Variants in GNPDA1 observed in about 807,000 individuals in gnomAD.
GNPDA1 encodes the protein GNPDA 1.
A neutral mutation model predicts 28.5 loss-of-function variants in GNPDA1; 24 were observed. The observed-to-expected ratio is 0.84, with a 90% confidence interval of 0.61 to 1.19. The LOEUF (loss-of-function observed/expected upper bound fraction) is 1.19, where lower values mean the gene tolerates loss of function less well. Ranked by LOEUF, GNPDA1 falls within the 50% of genes most tolerant of loss-of-function variation. GNPDA1 has a pLI of 0.00. For missense variants in GNPDA1, 264 were observed against 367.3 expected (o/e 0.72, Z 2.30); for synonymous variants, 147 against 139.3 (o/e 1.06, Z -0.39).
At chr5:142,007,951 G>T in intron 2 of GNPDA1, 51 bp from the exon 3 acceptor site, 1 of 1,029,278 alleles carries the variant, frequency 9.7e-7, no homozygotes, top group Non-Finnish European at 1.5e-6. Flanking sequence ...AAGTCTGGAA[G>T]CCCAGAGGGT....
chr5:142,006,194 G>T lies in GNPDA1; in HGVS notation c.359C>A (p.Ala120Asp), dbSNP rs773603626. ...NAVDLQAECD[A>D]FEEKIKAAGG... is the part of the protein sequence containing the mutation. ...TGCAGCCTTGATCTTCTCTTCAAAG[G>T]CATCACATTCTGCCTGTAGGTCGAC... is the stretch of plus-strand genomic sequence containing the variant. The change falls in exon 4 of 7, where the codon GCC (alanine) becomes GAC (aspartate). Residue 120 changes from alanine to aspartate, a missense_variant. Transcript: ENST00000311337. 1.1e-5 allele frequency: 18 copies of T among 1,614,068 alleles called. No individual in the cohort carries two copies. The highest frequency in any genetic ancestry group is 1.4e-5 in the Non-Finnish European group (17 of 1,179,954).
chr5:142,010,943 C>T (rs1340106694), intron 2 of GNPDA1, among the ~76,000 whole-genome samples: 1 of 151,896 alleles, frequency 6.6e-6, no homozygotes, highest in African/African-American at 2.4e-5. Flanking sequence ...TACTCATTCA[C>T]TTATATATTG....
At position 142,003,289 on chromosome 5, in the gene GNPDA1, T is replaced by G; in HGVS notation, c.595-27A>C. 1 of 1,527,198 alleles carries G rather than the reference T, an allele frequency of 6.5e-7. No individual in the cohort carries two copies. The highest frequency in any genetic ancestry group is 1.1e-5 in the South Asian group (1 of 87,440). The allele number at this position is 1,527,198 out of a possible 1,614,324, so 94.6% of individuals were successfully genotyped here. ...TGGGGATCAGAAAACAAGTCTGTGATGGAGGGGAGCATTCCAGACACCCTA... is the reference window on the plus strand; with the variant it reads ...TGGGGATCAGAAAACAAGTCTGTGAGGGAGGGGAGCATTCCAGACACCCTA... On this transcript the variant is annotated intron_variant, in intron 5 of 6. Transcript: ENST00000311337. This position sits in a 1 kb window ranked among gnomAD's most constrained non-coding sequence, Gnocchi z 4.0.
chr5:142,001,397 A>G lies in GNPDA1; in HGVS notation c.*632T>C, dbSNP rs1755674793. The G allele has an allele frequency of 6.6e-6, 1 of 152,334 alleles. No individual in the cohort carries two copies. Among genetic ancestry groups the G allele is most frequent in the African/African-American group, 2.4e-5 (1 of 41,442 alleles). 9.4% of individuals were successfully genotyped at this position (152,334 alleles called of 1,614,324 possible). ...GCCCCTTGAGGCTCTGGATTTATCAATAGAAGCCTCCTCTTTGGCCCCACC... is the reference window on the plus strand; with the variant it reads ...GCCCCTTGAGGCTCTGGATTTATCAGTAGAAGCCTCCTCTTTGGCCCCACC... On this transcript the variant is annotated 3_prime_UTR_variant, in exon 7 of 7. Coordinates refer to ENST00000311337, the MANE Select transcript of GNPDA1 (RefSeq NM_005471.5).
Position 142,012,252 on chromosome 5 carries a change from G to T in GNPDA1, c.-6-211C>A, listed in dbSNP as rs1309227786. On this transcript the variant is annotated intron_variant, in intron 1 of 6. Coordinates refer to ENST00000311337, the MANE Select transcript of GNPDA1 (RefSeq NM_005471.5). ...AGACCACGAGGAGGCGCCACTGGGG[G>T]CAGATCTGGGTTCTAATCTCAGCTC... 6.9e-6 allele frequency: 3 copies of T among 433,640 alleles called. No homozygotes were observed. The East Asian group carries it at 1.1e-4, about 15-fold the overall frequency. 26.9% of individuals were successfully genotyped at this position (433,640 alleles called of 1,614,324 possible). A position where few individuals can be genotyped will look rare whatever the true frequency, so the allele number is the denominator to read the frequency against.
intron 2 of GNPDA1, among the ~76,000 whole-genome samples, chr5:142,010,373 G>A (rs1755914105): frequency 6.6e-6 from 1 of 152,068 alleles, no homozygotes; most frequent in South Asian, 2.1e-4. Flanking sequence ...TGGCCAGGCT[G>A]GTCTCAAATT....
Position 142,003,236 on chromosome 5 carries a change from G to A in GNPDA1, c.621C>T (p.His207=). 6.2e-7 allele frequency: 1 copy of A among 1,612,292 alleles called. No homozygotes were observed. The highest frequency in any genetic ancestry group is 8.5e-7 in the Non-Finnish European group (1 of 1,179,096). ...REVMILITGA[H]KAFALYKAIE... The stretch of plus-strand genomic sequence containing the variant: ...TGGCCTTGTACAGAGCAAATGCCTT[G>A]TGAGCACCTGTGATAAGGATCATCA... The change falls in exon 6 of 7, where the codon CAC becomes CAT. Residue 207 remains histidine, a synonymous_variant. Coordinates refer to ENST00000311337, the MANE Select transcript of GNPDA1 (RefSeq NM_005471.5). This position sits in a 1 kb window ranked among gnomAD's most constrained non-coding sequence, Gnocchi z 4.0.
At chr5:142,012,145 T>C in intron 1 of GNPDA1, 104 bp from the exon 2 acceptor site, 3 of 1,216,892 alleles carry the variant, frequency 2.5e-6, no homozygotes, top group Non-Finnish European at 3.4e-6. Context: ...ACAATCCCCT[T>C]CCCAAGCTGT....
At chr5:142,009,083 A>C (rs1230903097) in intron 2 of GNPDA1, among the ~76,000 whole-genome samples, 3 of 151,668 alleles carry the variant, frequency 2.0e-5, no homozygotes, top group Non-Finnish European at 3.0e-5. Context: ...TAGATAAAGA[A>C]CAAGAGCCAG....
chr5:142,009,571 A>C (rs1165335825), intron 2 of GNPDA1, among the ~76,000 whole-genome samples: 1 of 152,132 alleles, frequency 6.6e-6, no homozygotes, highest in Non-Finnish European at 1.5e-5. Flanking sequence ...TACAGAGGGT[A>C]CTCAATAAAT....
intron 4 of GNPDA1, among the ~76,000 whole-genome samples, chr5:142,005,804 G>A (rs559137148): frequency 6.6e-6 from 1 of 152,206 alleles, no homozygotes; most frequent in South Asian, 2.1e-4. Context: ...TATCTACAGG[G>A]GCTGTGTGGA....
At chr5:142,005,245 C>T in intron 4 of GNPDA1, 129 bp from the exon 5 acceptor site, 3 of 669,716 alleles carry the variant, frequency 4.5e-6, no homozygotes, top group Admixed American at 2.8e-5. Context: ...TTCTCATTTG[C>T]AGCCCTGGGC....
Position 142,003,035 on chromosome 5 carries a change from T to C in GNPDA1, c.769+53A>G. 9.4e-6 allele frequency: 14 copies of C among 1,484,858 alleles called. No individual in the cohort carries two copies. Among genetic ancestry groups the C allele is most frequent in the Non-Finnish European group, 1.3e-5 (14 of 1,081,772 alleles). 92.0% of individuals were successfully genotyped at this position (1,484,858 alleles called of 1,614,324 possible). A position where few individuals can be genotyped will look rare whatever the true frequency, so the allele number is the denominator to read the frequency against. On this transcript the variant is annotated intron_variant, in intron 6 of 6. Transcript: ENST00000311337. The surrounding 1 kb of genome is among the most constrained non-coding windows in gnomAD (Gnocchi z 4.0). ...GATGAAAGCTGGATCTACTCCTTAC[T>C]CCTAGCACACCCTAAGCTTGACCAC...
At chr5:142,004,050 AC>A (rs1209430329) in intron 5 of GNPDA1, among the ~76,000 whole-genome samples, 22 of 152,182 alleles carry the variant, frequency 1.4e-4, no homozygotes, top group Admixed American at 1.4e-3. Context: ...TTTCTTCCGG[AC>A]CCCTCAGCAA....
intron 2 of GNPDA1, among the ~76,000 whole-genome samples, chr5:142,009,699 C>T (rs1454733287): frequency 6.6e-6 from 1 of 152,174 alleles, no homozygotes; most frequent in Non-Finnish European, 1.5e-5. Context: ...ATTTTCCAAA[C>T]TTCTAGCCTT....
chr5:142,006,869 T>A (rs927298555), intron 3 of GNPDA1, among the ~76,000 whole-genome samples: 1 of 151,960 alleles, frequency 6.6e-6, no homozygotes, highest in Non-Finnish European at 1.5e-5. Flanking sequence ...ATGTTAAGCA[T>A]TAAGAATATG....
chr5:142,004,990 G>C lies in GNPDA1; in HGVS notation c.536C>G (p.Thr179Ser). The C allele has an allele frequency of 6.2e-7, 1 of 1,613,358 alleles. No individual in the cohort carries two copies. Among genetic ancestry groups the C allele is most frequent in the Non-Finnish European group, 8.5e-7 (1 of 1,179,406 alleles). Residue 179 changes from threonine (T) to serine (S), a missense_variant, in exon 5 of 7, where the codon ACC becomes AGC. Transcript: ENST00000311337. Reference sequence around the variant, plus strand: ...CGTCAAGGCCATGGTGGGCACCTTGGTGAGTTCTCCATCGAAGAACCTAGC... The same window carrying C: ...CGTCAAGGCCATGGTGGGCACCTTGCTGAGTTCTCCATCGAAGAACCTAGC... ...ANARFFDGEL[T>S]KVPTMALTVG...
In GNPDA1 at chr5:142,001,956, C is replaced by CTTTAAATTTAGAA; in HGVS notation, c.*72_*73insTTCTAAATTTAAA. On this transcript the variant is annotated 3_prime_UTR_variant, in exon 7 of 7. Coordinates refer to ENST00000311337, the MANE Select transcript of GNPDA1 (RefSeq NM_005471.5). ...CATACTAGATTAAAGAAATACAATT[C>CTTTAAATTTAGAA]TTTCTTCTAAAGACAATTTCCAGAA... The CTTTAAATTTAGAA allele has an allele frequency of 1.3e-6, 1 of 785,146 alleles. No individual in the cohort carries two copies. Among genetic ancestry groups the CTTTAAATTTAGAA allele is most frequent in the African/African-American group, 1.8e-5 (1 of 57,082 alleles). The allele number at this position is 785,146 out of a possible 1,614,324, so 48.6% of individuals were successfully genotyped here. A position where few individuals can be genotyped will look rare whatever the true frequency, so the allele number is the denominator to read the frequency against.
chr5:142,009,168 C>T (rs1486642867), intron 2 of GNPDA1, among the ~76,000 whole-genome samples: 18 of 151,936 alleles, frequency 1.2e-4, no homozygotes, highest in African/African-American at 4.1e-4. Flanking sequence ...CTGTTTTTTT[C>T]CTCTTTTTTG....
Sources: gnomAD v4.1 joint callset for allele counts (sites outside exome capture counted in the v4.1 genomes callset) on GRCh38, gnomAD v4.1.1 for gene constraint, Gnocchi (gnomAD v3.1) non-coding constraint, MANE v1.5 for transcripts, NCBI Gene and HGNC (gene_info 2026-07-23, HGNC 2026-07-21) for gene names.